The following CHRDL1 variants were observed in gnomAD, a reference collection of about 807,000 sequenced individuals.
The protein encoded by CHRDL1 is chordin-like protein 1.
CHRDL1 carries 19 observed loss-of-function variants against 40.9 expected under a neutral mutation model. The ratio of observed to expected loss-of-function variants is 0.46; its 90% confidence interval spans 0.32 to 0.68. The LOEUF (loss-of-function observed/expected upper bound fraction) is 0.68. Ranked by LOEUF, CHRDL1 falls within the 30% of genes least tolerant of loss-of-function variation. The pLI is 0.03. For synonymous variants in CHRDL1, 136 were observed against 123.4 expected (o/e 1.10, Z -0.68); for missense variants, 329 against 352.1 (o/e 0.93, Z 0.53).
At chrX:110,689,977 C>A (rs1490956071) in intron 8 of CHRDL1, among the ~76,000 whole-genome samples, 6 of 13,281 alleles carry the variant, frequency 4.5e-4, no homozygotes, top group African/African-American at 6.8e-4. Context: ...CTATATATAT[C>A]TATATATCTA....
At chrX:110,724,908 T>C (rs1189750061) in intron 4 of CHRDL1, among the ~76,000 whole-genome samples, 1 of 111,952 alleles carries the variant, frequency 8.9e-6, no homozygotes, top group East Asian at 2.8e-4. Flanking sequence ...CTCTCCCAGA[T>C]TTTCCAAGGT....
At chrX:110,784,069 AT>A (rs2089981723) in intron 2 of CHRDL1, among the ~76,000 whole-genome samples, 1 of 112,129 alleles carries the variant, frequency 8.9e-6, no homozygotes, top group African/African-American at 3.2e-5. Flanking sequence ...CTTTTTAATT[AT>A]TTTTTTCTTT....
At chrX:110,723,224 C>A (rs2070995403) in intron 4 of CHRDL1, among the ~76,000 whole-genome samples, 1 of 111,268 alleles carries the variant, frequency 9.0e-6, no homozygotes, top group African/African-American at 3.3e-5. Context: ...GCACTCCAGC[C>A]TGGGCGACAG....
chrX:110,728,628 G>C (rs2071100493), intron 4 of CHRDL1, among the ~76,000 whole-genome samples: 1 of 111,893 alleles, frequency 8.9e-6, no homozygotes, highest in South Asian at 3.8e-4. Flanking sequence ...CTTAAACAAT[G>C]TTAAAGTAAT....
chrX:110,787,691 C>A (rs772780420), intron 2 of CHRDL1, among the ~76,000 whole-genome samples: 1 of 112,017 alleles, frequency 8.9e-6, no homozygotes, highest in South Asian at 3.8e-4. Flanking sequence ...CCTGAGAAGT[C>A]CAGAGGCCCA....
At chrX:110,774,502 T>C (rs749161123) in intron 2 of CHRDL1, among the ~76,000 whole-genome samples, 56 of 110,450 alleles carry the variant, frequency 5.1e-4, no homozygotes, top group Middle Eastern at 4.6e-3. Flanking sequence ...GTGACTATGA[T>C]TGGTGTAGGG....
chrX:110,767,900 A>G (rs1039787555), intron 2 of CHRDL1, among the ~76,000 whole-genome samples: 13 of 111,842 alleles, frequency 1.2e-4, no homozygotes, highest in Non-Finnish European at 2.4e-4. Flanking sequence ...ATATGGAACC[A>G]AAAAAGAGCC....
intron 8 of CHRDL1, among the ~76,000 whole-genome samples, chrX:110,689,544 C>A (rs186251127): frequency 0.011 from 113 of 9,932 alleles, 13 homozygotes; most frequent in African/African-American, 0.017. Flanking sequence ...ATCTCTATAT[C>A]TCTATATATC....
chrX:110,729,563 A>T (rs1349920265), intron 4 of CHRDL1, among the ~76,000 whole-genome samples: 3 of 111,963 alleles, frequency 2.7e-5, no homozygotes. Flanking sequence ...GTTTTAAAAC[A>T]GGGTCCTTTT....
chrX:110,789,608 T>C (rs1022585677), intron 2 of CHRDL1, among the ~76,000 whole-genome samples: 16 of 112,367 alleles, frequency 1.4e-4, no homozygotes, highest in African/African-American at 5.2e-4. Context: ...TGTATTGACA[T>C]GGAAGGATGT....
chrX:110,733,305 G>A (rs1464698847), intron 4 of CHRDL1, among the ~76,000 whole-genome samples: 1 of 111,309 alleles, frequency 9.0e-6, no homozygotes, highest in Non-Finnish European at 1.9e-5. Flanking sequence ...TGAAGTTCAT[G>A]TCAAAGATGT....
chrX:110,729,238 G>A (rs1050037138), intron 4 of CHRDL1, among the ~76,000 whole-genome samples: 1 of 111,894 alleles, frequency 8.9e-6, no homozygotes, highest in Non-Finnish European at 1.9e-5. Flanking sequence ...CATTTTCCTT[G>A]GGATGCTCCC....
intron 6 of CHRDL1, among the ~76,000 whole-genome samples, chrX:110,705,850 T>C (rs2070627352): frequency 1.8e-5 from 2 of 109,823 alleles, no homozygotes; most frequent in African/African-American, 6.6e-5. Flanking sequence ...ACATTAAATA[T>C]ATAAATACTA....
At chrX:110,697,793 C>G (rs2070417853) in intron 7 of CHRDL1, among the ~76,000 whole-genome samples, 1 of 100,619 alleles carries the variant, frequency 9.9e-6, no homozygotes, top group Non-Finnish European at 2.0e-5. Context: ...CTACTTCTTC[C>G]TCCCCACATA....
intron 11 of CHRDL1, among the ~76,000 whole-genome samples, chrX:110,678,293 T>C (rs1401908210): frequency 8.9e-6 from 1 of 111,815 alleles, no homozygotes; most frequent in African/African-American, 3.3e-5. Context: ...CAAAGCACCA[T>C]GTTGATATCT....
chrX:110,742,721 G>A (rs1236163728), intron 4 of CHRDL1, among the ~76,000 whole-genome samples: 1 of 111,762 alleles, frequency 8.9e-6, no homozygotes, highest in Non-Finnish European at 1.9e-5. Context: ...GGGAGGCAAG[G>A]AGACCTGGGT....
rs1297871642 is a variant in CHRDL1 at position 110,759,693 on chromosome X, T to G, written c.269A>C (p.His90Pro). 2 of 1,205,750 alleles carry G rather than the reference T, an allele frequency of 1.7e-6. No individual in the cohort carries two copies. Among genetic ancestry groups the G allele is most frequent in the South Asian group, 1.8e-5 (1 of 56,799 alleles). Residue 90 changes from histidine (H) to proline (P), a missense_variant, in exon 4 of 12, where the codon CAT becomes CCT. Coordinates refer to ENST00000372042, the MANE Select transcript of CHRDL1 (RefSeq NM_001143981.2). ...GCGAGGGCAGCACAGATGAGGAATA[T>G]GCACAGGAGAAAGGCAATGAACATT... The part of the protein sequence containing the change: ...CPNVHCLSPV[H>P]IPHLCCPRCP...
intron 2 of CHRDL1, among the ~76,000 whole-genome samples, chrX:110,776,965 T>A (rs1288794299): frequency 9.0e-6 from 1 of 111,411 alleles, no homozygotes; most frequent in Admixed American, 9.5e-5. Context: ...AGAGCAATTT[T>A]ACTGCCCTAA....
chrX:110,678,858 T>C (rs2069835562), intron 11 of CHRDL1, among the ~76,000 whole-genome samples: 1 of 110,951 alleles, frequency 9.0e-6, no homozygotes, highest in African/African-American at 3.3e-5. Context: ...CTGAATGCTT[T>C]TAAGGAAACA....
Sources: allele counts gnomAD v4.1 joint callset (sites outside exome capture counted in the v4.1 genomes callset), GRCh38; gene constraint gnomAD v4.1.1; transcripts MANE v1.5; gene names NCBI Gene and HGNC (gene_info 2026-07-23, HGNC 2026-07-21).